Variants in C3orf52 observed in about 807,000 individuals in gnomAD.
C3orf52 encodes TPA-induced transmembrane protein.
In C3orf52, 22 loss-of-function variants were observed where a neutral mutation model predicts 24.8. That is an observed-to-expected ratio of 0.89 (90% CI 0.63 to 1.27). The LOEUF (loss-of-function observed/expected upper bound fraction) is 1.27. C3orf52 is among the 50% of genes most tolerant of loss of function. The pLI is 0.00. For synonymous variants in C3orf52, 93 were observed against 100.2 expected (o/e 0.93, Z 0.43); for missense variants, 265 against 260.7 (o/e 1.02, Z -0.11).
chr3:112,103,586 A>T (rs2073997365), intron 3 of C3orf52, among the ~76,000 whole-genome samples: 1 of 152,160 alleles, frequency 6.6e-6, no homozygotes, highest in Non-Finnish European at 1.5e-5. Context: ...CAGGGGTCTC[A>T]CAGTCCAAGT....
At chr3:112,109,245 G>A (rs1032875342) in intron 3 of C3orf52, among the ~76,000 whole-genome samples, 2 of 152,208 alleles carry the variant, frequency 1.3e-5, no homozygotes, top group African/African-American at 4.8e-5. Context: ...CCTATGGTCT[G>A]TGAGGCCTGT....
chr3:112,128,483 A>T (rs1303760848), exon 5 of C3orf52: 2 of 330,014 alleles, frequency 6.1e-6, no homozygotes, highest in African/African-American at 2.1e-5. Context: ...TTTACAGTAT[A>T]TTGCAATTGT....
intron 4 of C3orf52, 105 bp downstream of exon 4, chr3:112,109,718 T>A: frequency 1.5e-6 from 1 of 688,132 alleles, no homozygotes; most frequent in Admixed American, 2.3e-5. Context: ...CCTCAGAGCA[T>A]GAAGGGAACC....
chr3:112,099,709 C>T (rs756173119), intron 2 of C3orf52, among the ~76,000 whole-genome samples: 1 of 152,146 alleles, frequency 6.6e-6, no homozygotes, highest in African/African-American at 2.4e-5. Flanking sequence ...ATACTTAATA[C>T]AGTAGCTATT....
Position 112,113,007 on chromosome 3 carries a change from C to T in C3orf52, c.511C>T (p.Pro171Ser). ...TVTYDLQFGV[P>S]SDDENFMKYM... ...AACGTATGACCTGCAATTTGGGGTT[C>T]CATCAGATGATGAAAATTTTATGAA... Residue 171 changes from proline (P) to serine (S), a missense_variant, in exon 5 of 6, where the codon CCA becomes TCA. Coordinates refer to ENST00000264848, the MANE Select transcript of C3orf52 (RefSeq NM_024616.3). 1 of 1,608,448 alleles carries T rather than the reference C, an allele frequency of 6.2e-7. No homozygotes were observed. The highest frequency in any genetic ancestry group is 1.7e-4 in the Middle Eastern group (1 of 6,058).
At chr3:112,125,663 A>G (rs572912795) in intron 4 of C3orf52, among the ~76,000 whole-genome samples, 1 of 152,228 alleles carries the variant, frequency 6.6e-6, no homozygotes, top group Non-Finnish European at 1.5e-5. Context: ...AAGGCTCACA[A>G]GCTAGCACAG....
intron 2 of C3orf52, among the ~76,000 whole-genome samples, chr3:112,101,776 A>G (rs920862448): frequency 6.6e-6 from 1 of 152,130 alleles, no homozygotes; most frequent in Non-Finnish European, 1.5e-5. Context: ...CTTAAAGTCT[A>G]TGGCAATATA....
rs545224060 is a variant in C3orf52 at position 112,087,777 on chromosome 3, C to G, written c.138+1232C>G. 6.5e-4 allele frequency among the ~76,000 whole-genome samples: 99 copies of G among 152,244 alleles called. 1 individual carries two copies. The highest frequency in any genetic ancestry group is 1.3e-3 in the Non-Finnish European group (87 of 68,028). ...CTGTATGAGTCCTCCAGGGCGGTGT[C>G]CAGGAATGGGAGTTGGAAATACTTG... On this transcript the variant is annotated intron_variant, in intron 1 of 5. Coordinates refer to ENST00000264848, the MANE Select transcript of C3orf52 (RefSeq NM_024616.3).
At chr3:112,124,826 G>C (rs1404040338) in intron 4 of C3orf52, among the ~76,000 whole-genome samples, 1 of 152,082 alleles carries the variant, frequency 6.6e-6, no homozygotes, top group Non-Finnish European at 1.5e-5. Context: ...TTGAATCCTG[G>C]TTCCGCCCCC....
chr3:112,124,160 T>C (rs9866863), intron 4 of C3orf52, among the ~76,000 whole-genome samples: 2,056 of 152,350 alleles, frequency 0.013, 47 homozygotes, highest in African/African-American at 0.046. Context: ...CTCGCAGTTA[T>C]GAGTGTACCG....
chr3:112,105,823 CAAAAAAAAAA>C, intron 3 of C3orf52, among the ~76,000 whole-genome samples: 1 of 83,392 alleles, frequency 1.2e-5, no homozygotes, highest in South Asian at 4.4e-4. Flanking sequence ...ACTTAGTCTC[CAAAAAAAAAA>C]AAAAAAAAAG....
At chr3:112,087,631 T>C (rs924916785) in intron 1 of C3orf52, among the ~76,000 whole-genome samples, 1 of 152,228 alleles carries the variant, frequency 6.6e-6, no homozygotes, top group African/African-American at 2.4e-5. Context: ...TCTGCTTTTA[T>C]AGGTACTCTG....
intron 2 of C3orf52, among the ~76,000 whole-genome samples, chr3:112,098,154 G>T (rs1328225941): frequency 1.3e-4 from 20 of 152,106 alleles, no homozygotes; most frequent in Admixed American, 1.3e-3. Flanking sequence ...TTTGAATCTT[G>T]CCTCCTGCAG....
chr3:112,099,667 T>G (rs1283289658), intron 2 of C3orf52, among the ~76,000 whole-genome samples: 1 of 152,232 alleles, frequency 6.6e-6, no homozygotes, highest in Non-Finnish European at 1.5e-5. Context: ...GAAAATATAT[T>G]CATAAGGTGC....
intron 4 of C3orf52, among the ~76,000 whole-genome samples, chr3:112,110,068 G>T (rs112626250): frequency 6.6e-6 from 1 of 152,200 alleles, no homozygotes; most frequent in African/African-American, 2.4e-5. Flanking sequence ...GGTAGCTCAC[G>T]CCTGTAATCC....
downstream of C3orf52, among the ~76,000 whole-genome samples, chr3:112,131,625 T>C (rs1189729008): frequency 2.0e-5 from 3 of 152,162 alleles, 1 homozygote; most frequent in East Asian, 3.9e-4. Context: ...CTGCACTTGG[T>C]TCAAGGGAGA....
At chr3:112,102,376 A>G (rs2073981047) in intron 2 of C3orf52, among the ~76,000 whole-genome samples, 1 of 151,262 alleles carries the variant, frequency 6.6e-6, no homozygotes, top group South Asian at 2.1e-4. Flanking sequence ...TGATTTCGGA[A>G]TCTGAGTCTA....
At chr3:112,124,909 A>T (rs186584815) in intron 4 of C3orf52, among the ~76,000 whole-genome samples, 77 of 152,244 alleles carry the variant, frequency 5.1e-4, no homozygotes, top group African/African-American at 1.7e-3. Flanking sequence ...GGGGGATGGG[A>T]TGGATTATAG....
chr3:112,092,879 C>T (rs968097042), intron 1 of C3orf52, among the ~76,000 whole-genome samples: 7 of 152,294 alleles, frequency 4.6e-5, no homozygotes, highest in South Asian at 2.1e-4. Flanking sequence ...ATTTTCAACT[C>T]GGCTCTGGTG....
Sources: allele counts gnomAD v4.1 joint callset (sites outside exome capture counted in the v4.1 genomes callset), GRCh38; gene constraint gnomAD v4.1.1; transcripts MANE v1.5; gene names NCBI Gene and HGNC (gene_info 2026-07-23, HGNC 2026-07-21).